Variants in PTGER3 observed in about 807,000 individuals in gnomAD.
The protein encoded by PTGER3 is prostaglandin E2 receptor EP3 subtype.
In PTGER3, 22 loss-of-function variants were observed where a neutral mutation model predicts 34.7. The observed-to-expected ratio is 0.63, with a 90% CI of 0.45 to 0.91. The LOEUF (loss-of-function observed/expected upper bound fraction) is 0.91. PTGER3 is among the 40% of genes least tolerant of loss of function. PTGER3 has a pLI of 0.00. For missense variants in PTGER3, 468 were observed against 519.4 expected (o/e 0.90, Z 0.96); for synonymous variants, 241 against 230.1 (o/e 1.05, Z -0.43).
At chr1:70,950,363 A>G (rs111778016), downstream of PTGER3, among the ~76,000 whole-genome samples, 439 of 152,326 alleles carry the variant, frequency 2.9e-3, 1 homozygote, top group Non-Finnish European at 5.4e-3. Context: ...TTCCTTTAAA[A>G]TAAACAGACT....
intron 4 of PTGER3, among the ~76,000 whole-genome samples, chr1:70,922,364 G>C (rs1323112771): frequency 7.0e-6 from 1 of 143,260 alleles, no homozygotes; most frequent in Non-Finnish European, 1.5e-5. Context: ...TGTGAGTCAT[G>C]AAAAAATTTA....
At chr1:70,869,715 G>A (rs1217582722) in intron 4 of PTGER3, among the ~76,000 whole-genome samples, 2 of 152,198 alleles carry the variant, frequency 1.3e-5, no homozygotes, top group Admixed American at 6.5e-5. Context: ...AAATCTTATA[G>A]CTCCAAAATA....
intron 2 of PTGER3, among the ~76,000 whole-genome samples, chr1:70,996,087 G>C (rs1440604711): frequency 6.6e-6 from 1 of 152,070 alleles, no homozygotes; most frequent in Non-Finnish European, 1.5e-5. Context: ...GCTACTCATT[G>C]CCTTCCTTAT....
chr1:70,909,214 G>A (rs1647011469), intron 4 of PTGER3, among the ~76,000 whole-genome samples: 1 of 152,272 alleles, frequency 6.6e-6, no homozygotes, highest in South Asian at 2.1e-4. Flanking sequence ...AATGCAAGGT[G>A]CAAAACACCA....
intron 4 of PTGER3, among the ~76,000 whole-genome samples, chr1:70,880,746 G>A (rs1005816345): frequency 1.3e-5 from 2 of 151,806 alleles, no homozygotes; most frequent in African/African-American, 2.4e-5. Flanking sequence ...GTCTCTTCTG[G>A]CTTGTAGAGT....
chr1:70,966,441 G>A (rs1387427581), downstream of PTGER3, among the ~76,000 whole-genome samples: 3 of 151,966 alleles, frequency 2.0e-5, no homozygotes, highest in Non-Finnish European at 2.9e-5. Flanking sequence ...TATTTAATAT[G>A]CAGGCTTATA....
In PTGER3 at chr1:71,047,388, C is replaced by G. The variant is rs912860591; in HGVS notation, c.190G>C (p.Val64Leu). Residue 64 changes from valine (V) to leucine (L), a missense_variant, in exon 1 of 4, where the codon GTG becomes CTG. Physicochemically the swap from Val to Leu is conservative, Grantham distance 32 (BLOSUM62 1). Coordinates refer to ENST00000306666, the MANE Select transcript of PTGER3 (RefSeq NM_198719.2). ...FPITMLLTGFVGNALAMLLVS... is the reference protein window; with the variant it reads ...FPITMLLTGFLGNALAMLLVS... ...AGCAGCATGGCCAGTGCGTTGCCCA[C>G]GAAACCAGTGAGCAGCATGGTGATC... 1 of 1,611,612 alleles carries G rather than the reference C, an allele frequency of 6.2e-7. No homozygotes were observed. Among genetic ancestry groups the G allele is most frequent in the Admixed American group, 1.7e-5 (1 of 59,874 alleles).
At chr1:71,011,542 G>C (rs1342448807) in intron 2 of PTGER3, 4 of 984,858 alleles carry the variant, frequency 4.1e-6, no homozygotes, top group Non-Finnish European at 4.8e-6. Context: ...TCAAAAGAAA[G>C]AATAATTAGC....
chr1:70,871,228 T>G (rs1394586707), intron 4 of PTGER3, among the ~76,000 whole-genome samples: 1 of 152,074 alleles, frequency 6.6e-6, no homozygotes, highest in Non-Finnish European at 1.5e-5. Flanking sequence ...GAGAAGGCAC[T>G]TCACATAACA....
intron 4 of PTGER3, among the ~76,000 whole-genome samples, chr1:70,926,219 A>G (rs551709491): frequency 6.6e-6 from 1 of 152,322 alleles, no homozygotes; most frequent in African/African-American, 2.4e-5. Context: ...CTGTGAAGCA[A>G]GTCATTGGTA....
intron 4 of PTGER3, among the ~76,000 whole-genome samples, chr1:70,861,227 G>A (rs75719142): frequency 0.017 from 2,579 of 152,292 alleles, 74 homozygotes; most frequent in African/African-American, 0.059. Context: ...AAGCCTCAGA[G>A]ATGCATTTTG....
intron 4 of PTGER3, among the ~76,000 whole-genome samples, chr1:70,864,067 G>A (rs1645988572): frequency 6.6e-6 from 1 of 152,050 alleles, no homozygotes; most frequent in Admixed American, 6.6e-5. Flanking sequence ...TCCAGACACA[G>A]GGAACTAAAA....
At chr1:70,874,677 T>C (rs983201995) in intron 4 of PTGER3, among the ~76,000 whole-genome samples, 2 of 152,204 alleles carry the variant, frequency 1.3e-5, no homozygotes, top group African/African-American at 4.8e-5. Context: ...CTTCTGTCTC[T>C]GTCTCTCTCT....
chr1:71,009,784 T>C (rs1657284635), intron 2 of PTGER3: 1 of 985,216 alleles, frequency 1.0e-6, no homozygotes, highest in Non-Finnish European at 1.2e-6. Context: ...ACAAACTAAG[T>C]ATACATGAGT....
intron 4 of PTGER3, among the ~76,000 whole-genome samples, chr1:70,888,292 G>T (rs1354033312): frequency 6.6e-6 from 1 of 152,128 alleles, no homozygotes; most frequent in Non-Finnish European, 1.5e-5. Flanking sequence ...TAAATAATAG[G>T]CTTCTGGAGA....
intron 4 of PTGER3, among the ~76,000 whole-genome samples, chr1:70,888,847 T>C (rs1288602754): frequency 6.6e-6 from 1 of 152,126 alleles, no homozygotes; most frequent in Non-Finnish European, 1.5e-5. Context: ...AAGATGCCTG[T>C]TTCTTTGGGA....
intron 2 of PTGER3, among the ~76,000 whole-genome samples, chr1:70,963,579 C>T (rs761108432): frequency 5.6e-4 from 85 of 152,156 alleles, no homozygotes; most frequent in East Asian, 5.8e-4. Flanking sequence ...CTGCGCCCTC[C>T]GAAGCCACTG....
intron 1 of PTGER3, among the ~76,000 whole-genome samples, chr1:71,045,461 T>C (rs531672608): frequency 6.6e-6 from 1 of 152,350 alleles, no homozygotes; most frequent in African/African-American, 2.4e-5. Context: ...ACAGTGACCA[T>C]ATCGCTCTTT....
Position 71,047,637 on chromosome 1 carries a change from G to C in PTGER3, c.-60C>G. On this transcript the variant is annotated 5_prime_UTR_variant, in exon 1 of 4. Transcript: ENST00000306666. ...AGAGCCGCAGCGGGAGGGGGCAGAC[G>C]CGGCGCGGGCGGCGGCGGAGGTCGG... 6.9e-7 allele frequency: 1 copy of C among 1,450,268 alleles called. No homozygotes were observed. Among genetic ancestry groups the C allele is most frequent in the Non-Finnish European group, 9.1e-7 (1 of 1,097,456 alleles). The allele number at this position is 1,450,268 out of a possible 1,614,324, so 89.8% of individuals were successfully genotyped here. A position where few individuals can be genotyped will look rare whatever the true frequency, so the allele number is the denominator to read the frequency against.
Sources: allele counts gnomAD v4.1 joint callset (sites outside exome capture counted in the v4.1 genomes callset), GRCh38; gene constraint gnomAD v4.1.1; transcripts MANE v1.5; gene names NCBI Gene and HGNC (gene_info 2026-07-23, HGNC 2026-07-21).